CTTNBP2: variants seen among roughly 807,000 people sequenced by gnomAD.
CTTNBP2 encodes cortactin-binding protein 2.
Under a neutral mutation model 156.9 loss-of-function variants are expected in CTTNBP2, and 108 were observed. The observed-to-expected ratio is 0.69, with a 90% CI of 0.59 to 0.81. The LOEUF (loss-of-function observed/expected upper bound fraction) is 0.81, where lower values mean the gene tolerates loss of function less well. Ranked by LOEUF, CTTNBP2 falls within the 30% of genes least tolerant of loss-of-function variation. CTTNBP2 has a pLI of 0.00. For missense variants in CTTNBP2, 1,924 were observed against 2,035.4 expected, an observed-to-expected ratio of 0.95 and a Z score of 1.05; for synonymous variants, 767 against 751.8, an observed-to-expected ratio of 1.02 and a Z score of -0.33.
intron 3 of CTTNBP2, among the ~76,000 whole-genome samples, chr7:117,798,073 CAG>C (rs1352965287): frequency 1.3e-5 from 2 of 152,040 alleles, no homozygotes; most frequent in East Asian, 3.8e-4. Flanking sequence ...ATATTACGTA[CAG>C]AGAATCTGCA....
intron 2 of CTTNBP2, among the ~76,000 whole-genome samples, chr7:117,846,134 A>G (rs1017139273): frequency 1.3e-5 from 2 of 152,180 alleles, no homozygotes; most frequent in East Asian, 1.9e-4. Context: ...TACAGGCGTG[A>G]GCCACCGCGC....
chr7:117,755,810 C>T (rs1304930075), intron 12 of CTTNBP2, among the ~76,000 whole-genome samples: 2 of 152,224 alleles, frequency 1.3e-5, no homozygotes, highest in East Asian at 3.9e-4. Context: ...CAGCAAAAGG[C>T]TCCACTTCCC....
At chr7:117,860,499 T>C (rs781172423) in intron 2 of CTTNBP2, among the ~76,000 whole-genome samples, 2 of 152,004 alleles carry the variant, frequency 1.3e-5, no homozygotes, top group Non-Finnish European at 2.9e-5. Context: ...CCCGCCACCA[T>C]GCCCGGCTAA....
Position 117,710,800 on chromosome 7 carries a change from T to G in CTTNBP2, c.*737A>C, listed in dbSNP as rs1354629653. On this transcript the variant is annotated 3_prime_UTR_variant, in exon 23 of 23. Coordinates refer to ENST00000160373, the MANE Select transcript of CTTNBP2 (RefSeq NM_033427.3). ...AATATTGAAGGAGTTAATTCTGAAT[T>G]TATTCATTTATGCAGTTATCTATAT... The G allele has an allele frequency of 6.5e-6, 1 of 152,714 alleles. No homozygotes were observed. The highest frequency in any genetic ancestry group is 1.9e-4 in the East Asian group (1 of 5,194). The allele number at this position is 152,714 out of a possible 1,614,324, so 9.5% of individuals were successfully genotyped here. A position where few individuals can be genotyped will look rare whatever the true frequency, so the allele number is the denominator to read the frequency against.
chr7:117,731,784 A>G (rs1795414116), intron 16 of CTTNBP2, among the ~76,000 whole-genome samples: 1 of 152,210 alleles, frequency 6.6e-6, no homozygotes, highest in African/African-American at 2.4e-5. Context: ...GGGACAGGAC[A>G]TGTTGAGTTT....
At chr7:117,781,483 G>A (rs1798430767) in intron 6 of CTTNBP2, among the ~76,000 whole-genome samples, 2 of 152,212 alleles carry the variant, frequency 1.3e-5, no homozygotes, top group Non-Finnish European at 2.9e-5. Context: ...GCTCACACAT[G>A]TAATCCCAGC....
chr7:117,829,174 A>G (rs904425582), intron 2 of CTTNBP2, among the ~76,000 whole-genome samples: 2 of 152,212 alleles, frequency 1.3e-5, no homozygotes, highest in African/African-American at 2.4e-5. Context: ...TAGGTGGCAC[A>G]TAACAGCGCT....
intron 14 of CTTNBP2, among the ~76,000 whole-genome samples, chr7:117,744,501 A>G (rs1796205369): frequency 2.0e-5 from 3 of 152,232 alleles, no homozygotes; most frequent in Admixed American, 1.3e-4. Flanking sequence ...GTGTTGTTGC[A>G]AATGACAGGA....
intron 2 of CTTNBP2, among the ~76,000 whole-genome samples, chr7:117,818,190 G>C (rs1040490007): frequency 6.6e-6 from 1 of 152,080 alleles, no homozygotes; most frequent in Non-Finnish European, 1.5e-5. Context: ...AGTTTTTCAA[G>C]ATTCTGCACA....
chr7:117,737,416 T>A (rs933641763), intron 14 of CTTNBP2, among the ~76,000 whole-genome samples: 13 of 152,184 alleles, frequency 8.5e-5, no homozygotes, highest in South Asian at 6.2e-4. Flanking sequence ...CCAGTTTAAG[T>A]GGCTCTGAAG....
intron 20 of CTTNBP2, 100 bp downstream of exon 20, chr7:117,720,967 A>C: frequency 1.2e-6 from 1 of 815,678 alleles, no homozygotes; most frequent in South Asian, 1.4e-5. Context: ...ATATTAACAT[A>C]ATAGTCATTC....
chr7:117,822,929 T>A (rs1218724616), intron 2 of CTTNBP2, among the ~76,000 whole-genome samples: 1 of 152,218 alleles, frequency 6.6e-6, no homozygotes, highest in East Asian at 1.9e-4. Context: ...CTGAGAGAGG[T>A]ATTAAAAGCT....
At chr7:117,717,320 GATT>G (rs1165388187) in intron 22 of CTTNBP2, among the ~76,000 whole-genome samples, 1 of 150,518 alleles carries the variant, frequency 6.6e-6, no homozygotes, top group Non-Finnish European at 1.5e-5. Context: ...ATAAAATTGA[GATT>G]TTTTTTTTTT....
At chr7:117,815,970 A>C (rs1226176636) in intron 2 of CTTNBP2, among the ~76,000 whole-genome samples, 1 of 152,210 alleles carries the variant, frequency 6.6e-6, no homozygotes, top group Non-Finnish European at 1.5e-5. Flanking sequence ...TGCATAATGC[A>C]TACTTGTTGA....
chr7:117,844,846 C>G lies in CTTNBP2; in HGVS notation c.189+16363G>C, dbSNP rs1282941174. Among the ~76,000 whole-genome samples, 4 of 152,098 alleles carry G rather than the reference C, an allele frequency of 2.6e-5. No homozygotes were observed. The East Asian group carries it at 7.7e-4, about 29-fold the overall frequency. ...ATGTGCTGATGGGAGAGTCCAGAAG[C>G]TCTTTCTGATTGCTTCAATGTTCTC... On this transcript the variant is annotated intron_variant, in intron 2 of 22. Coordinates refer to ENST00000160373, the MANE Select transcript of CTTNBP2 (RefSeq NM_033427.3).
intron 22 of CTTNBP2, chr7:117,716,011 AAAC>A (rs1794335578): frequency 6.7e-6 from 1 of 150,354 alleles, no homozygotes; most frequent in African/African-American, 2.5e-5. Flanking sequence ...TTTCTGAGAA[AAAC>A]ATCATCTAGC....
rs148759801 is a variant in CTTNBP2 at position 117,731,865 on chromosome 7, T to C, written c.3876+3048A>G. ...CTGATTACATGAACTTAACACAAAA[T>C]AGAGGGGCACGCAGACAAAGGAGAA... On this transcript the variant is annotated intron_variant, in intron 16 of 22. Transcript: ENST00000160373. 2.0e-5 allele frequency among the ~76,000 whole-genome samples: 3 copies of C among 152,252 alleles called. No individual in the cohort carries two copies. The East Asian group carries it at 5.8e-4, about 29-fold the overall frequency.
At chr7:117,755,578 TA>T in intron 12 of CTTNBP2, 1 of 469,074 alleles carries the variant, frequency 2.1e-6, no homozygotes. Context: ...TCCCCATCTG[TA>T]AAATGGATGA....
chr7:117,857,012 A>G (rs1803374127), intron 2 of CTTNBP2, among the ~76,000 whole-genome samples: 1 of 152,244 alleles, frequency 6.6e-6, no homozygotes, highest in Non-Finnish European at 1.5e-5. Flanking sequence ...GATTTTGAAT[A>G]GCCAATTAAA....
Sources: allele counts gnomAD v4.1 joint callset (sites outside exome capture counted in the v4.1 genomes callset), GRCh38; gene constraint gnomAD v4.1.1; transcripts MANE v1.5; gene names NCBI Gene and HGNC (gene_info 2026-07-23, HGNC 2026-07-21).